Variants in PTPA observed in about 807,000 individuals in gnomAD.
PTPA encodes protein phosphatase 2 phosphatase activator, also known as serine/threonine-protein phosphatase 2A activator.
Under a neutral mutation model 43.6 loss-of-function variants are expected in PTPA, and 13 were observed. The ratio of observed to expected loss-of-function variants is 0.30; its 90% confidence interval spans 0.19 to 0.47. PTPA has a LOEUF of 0.47. Ranked by LOEUF, PTPA falls within the 20% of genes least tolerant of loss-of-function variation. PTPA has a pLI of 0.99. For missense variants in PTPA, 329 were observed against 411.9 expected, an observed-to-expected ratio of 0.80 and a Z score of 1.74; for synonymous variants, 172 against 158.2, an observed-to-expected ratio of 1.09 and a Z score of -0.66.
chr9:129,117,507 G>A (rs945039337), intron 1 of PTPA, among the ~76,000 whole-genome samples: 3 of 151,666 alleles, frequency 2.0e-5, no homozygotes, highest in Non-Finnish European at 4.4e-5. Context: ...GGGTTCAAGC[G>A]GTTCTTCTGC....
intron 2 of PTPA, among the ~76,000 whole-genome samples, chr9:129,121,290 G>T (rs1849234352): frequency 6.6e-6 from 1 of 152,188 alleles, no homozygotes; most frequent in Non-Finnish European, 1.5e-5. Context: ...TGGGCACAGG[G>T]GTCCTTGCAT....
rs1412873072 is a variant in PTPA, at chr9:129,142,726, C to T, written c.894+174C>T. 7 of 1,538,246 alleles carry T rather than the reference C, an allele frequency of 4.6e-6. No homozygotes were observed. The Admixed American group carries it at 7.8e-5, about 17-fold the overall frequency. ...GGGCCTCGGAATCTCCCATCTGGGG[C>T]ATGGGCAGTCAGAGAAGCACCAGCC... On this transcript the variant is annotated intron_variant, in intron 9 of 9. Transcript: ENST00000393370.
At chr9:129,115,684 G>A (rs964518934) in intron 1 of PTPA, among the ~76,000 whole-genome samples, 1 of 151,952 alleles carries the variant, frequency 6.6e-6, no homozygotes, top group Non-Finnish European at 1.5e-5. Context: ...TTGTTGCCCA[G>A]GCTGGAGTAC....
At chr9:129,125,739 G>A (rs982446033) in intron 3 of PTPA, among the ~76,000 whole-genome samples, 2 of 152,212 alleles carry the variant, frequency 1.3e-5, no homozygotes, top group African/African-American at 2.4e-5. Context: ...CCCACGAGTA[G>A]TGGTTGTCTT....
intron 9 of PTPA, chr9:129,143,414 C>T (rs1360528994): frequency 1.4e-6 from 1 of 703,028 alleles, no homozygotes; most frequent in South Asian, 1.5e-5. Context: ...AGACACTGTA[C>T]TGTGGGCACC....
upstream of PTPA, chr9:129,111,053 A>G: frequency 5.1e-6 from 7 of 1,368,724 alleles, no homozygotes; most frequent in South Asian, 1.1e-5. Context: ...GCACCTTTCC[A>G]ACTCCGTCTG....
At chr9:129,134,504 A>T (rs971827187) in intron 5 of PTPA, among the ~76,000 whole-genome samples, 3 of 151,874 alleles carry the variant, frequency 2.0e-5, no homozygotes, top group Admixed American at 6.6e-5. Context: ...GGGTTTTGCC[A>T]TGTTGGCCAG....
intron 1 of PTPA, among the ~76,000 whole-genome samples, chr9:129,112,740 G>C: frequency 6.6e-6 from 1 of 152,282 alleles, no homozygotes; most frequent in South Asian, 2.1e-4. Context: ...TCGGGAGTTC[G>C]AGACCAGCCT....
chr9:129,145,018 G>T (rs1249939306), intron 9 of PTPA, among the ~76,000 whole-genome samples: 1 of 151,754 alleles, frequency 6.6e-6, no homozygotes, highest in East Asian at 1.9e-4. Context: ...GGGCAACAGT[G>T]TGAGACTCCG....
At chr9:129,143,711 GC>G in intron 9 of PTPA, 2 of 405,150 alleles carry the variant, frequency 4.9e-6, no homozygotes, top group Non-Finnish European at 9.2e-6. Context: ...TTAGGTTCCA[GC>G]CCACATACCT....
intron 4 of PTPA, among the ~76,000 whole-genome samples, chr9:129,131,005 C>T (rs1367325164): frequency 6.6e-6 from 1 of 152,214 alleles, no homozygotes; most frequent in African/African-American, 2.4e-5. Context: ...TTTTTCTTTG[C>T]TGTGTAGTAT....
rs943773743 is a variant in PTPA, at chr9:129,125,920, G to A, written c.216+2782G>A. Reference sequence around the variant, plus strand: ...TCCTAGCACCTTGGGAGGCCAAGGCGGGTGAATCATGAGGTCAGGAGTTCA... The same window carrying A: ...TCCTAGCACCTTGGGAGGCCAAGGCAGGTGAATCATGAGGTCAGGAGTTCA... On this transcript the variant is annotated intron_variant, in intron 3 of 9. Coordinates refer to ENST00000393370, the MANE Select transcript of PTPA (RefSeq NM_178000.3). 3.3e-5 allele frequency among the ~76,000 whole-genome samples: 5 copies of A among 152,122 alleles called. 1 individual carries two copies.
rs1851442724 is a variant in PTPA, at chr9:129,148,627, C to T, written c.*1163C>T. On this transcript the variant is annotated 3_prime_UTR_variant, in exon 10 of 10. Coordinates refer to ENST00000393370, the MANE Select transcript of PTPA (RefSeq NM_178000.3). ...GCCGAGGTTTCTCCTAGGGCTGTTC[C>T]TGGGCCTGGCTCTTACAGGCTCGTC... is the stretch of plus-strand genomic sequence containing the variant. 1 of 152,800 alleles carries T rather than the reference C, an allele frequency of 6.5e-6. No individual in the cohort carries two copies. Among genetic ancestry groups the T allele is most frequent in the African/African-American group, 2.4e-5 (1 of 41,470 alleles). 9.5% of individuals were successfully genotyped at this position (152,800 alleles called of 1,614,324 possible).
At chr9:129,143,570 T>C in intron 9 of PTPA, 1 of 642,742 alleles carries the variant, frequency 1.6e-6, no homozygotes, top group South Asian at 1.7e-5. Flanking sequence ...GCACAGATGC[T>C]TCCAGTTGGC....
chr9:129,111,914 A>C lies in PTPA; in HGVS notation c.31+283A>C, dbSNP rs922323829. On this transcript the variant is annotated intron_variant, in intron 1 of 9. Transcript: ENST00000393370. ...ATGCTGGGTGGGCAGCGCCGTGGTC[A>C]TAAGGGGGCCTTTTGCATCTCTGGG... The C allele has an allele frequency of 4.5e-5, 30 of 660,180 alleles. 1 individual carries two copies. The Middle Eastern group carries it at 1.4e-3, about 31-fold the overall frequency. 40.9% of individuals were successfully genotyped at this position (660,180 alleles called of 1,614,324 possible).
intron 1 of PTPA, among the ~76,000 whole-genome samples, chr9:129,116,026 A>G (rs1437198181): frequency 6.6e-6 from 1 of 150,690 alleles, no homozygotes; most frequent in Non-Finnish European, 1.5e-5. Context: ...ATGCCCGGCT[A>G]ATTTTTTTTT....
chr9:129,121,273 A>G (rs1431809390), intron 2 of PTPA, among the ~76,000 whole-genome samples: 1 of 152,202 alleles, frequency 6.6e-6, no homozygotes. Context: ...TTGCTCATGC[A>G]GAAGGCTGGG....
intron 8 of PTPA, among the ~76,000 whole-genome samples, chr9:129,141,365 G>GT: frequency 6.6e-6 from 1 of 152,240 alleles, no homozygotes; most frequent in East Asian, 1.9e-4. Context: ...ACACCCGCAT[G>GT]TTTCTAGAAC....
chr9:129,136,765 G>A (rs548570471), intron 7 of PTPA, among the ~76,000 whole-genome samples, 170 bp downstream of exon 7: 4 of 152,344 alleles, frequency 2.6e-5, no homozygotes, highest in Non-Finnish European at 4.4e-5. Context: ...GTTTACTGTC[G>A]ACCTTCTGCT....
Sources: gnomAD v4.1 joint callset for allele counts (sites outside exome capture counted in the v4.1 genomes callset) on GRCh38, gnomAD v4.1.1 for gene constraint, MANE v1.5 for transcripts, NCBI Gene and HGNC (gene_info 2026-07-23, HGNC 2026-07-21) for gene names.